Variants in WWOX observed in about 807,000 individuals in gnomAD.
WWOX encodes the protein WW domain-containing oxidoreductase.
A neutral mutation model predicts 46.2 loss-of-function variants in WWOX; 69 were observed. The ratio of observed to expected loss-of-function variants is 1.49; its 90% confidence interval spans 1.23 to 1.82. The LOEUF (loss-of-function observed/expected upper bound fraction) is 1.82, where lower values mean the gene tolerates loss of function less well. Ranked by LOEUF, WWOX falls within the 40% of genes most tolerant of loss-of-function variation. The pLI is 0.00. For synonymous variants in WWOX, 359 were observed against 202.6 expected, an observed-to-expected ratio of 1.77 and a Z score of -6.56; for missense variants, 919 against 542.6, an observed-to-expected ratio of 1.69 and a Z score of -6.89.
intron 8 of WWOX, among the ~76,000 whole-genome samples, chr16:78,494,176 C>T (rs913319404): frequency 1.3e-5 from 2 of 152,144 alleles, no homozygotes; most frequent in Admixed American, 6.5e-5. Flanking sequence ...TGCTTTTAAA[C>T]AAACAGATCT....
chr16:78,640,422 G>C (rs1274366843), intron 8 of WWOX, among the ~76,000 whole-genome samples: 1 of 151,966 alleles, frequency 6.6e-6, no homozygotes, highest in Non-Finnish European at 1.5e-5. Context: ...ACAGGGGCAA[G>C]GTATAGGCTC....
intron 5 of WWOX, among the ~76,000 whole-genome samples, chr16:78,222,892 A>G (rs556820939): frequency 6.6e-6 from 1 of 152,328 alleles, no homozygotes; most frequent in African/African-American, 2.4e-5. Flanking sequence ...CCTCCAGAAC[A>G]TGCTCTCAGA....
chr16:79,121,661 G>A (rs1185642830), intron 8 of WWOX, among the ~76,000 whole-genome samples: 1 of 152,122 alleles, frequency 6.6e-6, no homozygotes, highest in Non-Finnish European at 1.5e-5. Flanking sequence ...TGTGTTTTGG[G>A]GCATGCGCCA....
At chr16:78,534,870 T>C (rs1296045016) in intron 8 of WWOX, among the ~76,000 whole-genome samples, 1 of 151,964 alleles carries the variant, frequency 6.6e-6, no homozygotes, top group Non-Finnish European at 1.5e-5. Context: ...CGCGCTATCA[T>C]GCCTGGCTAA....
intron 5 of WWOX, among the ~76,000 whole-genome samples, chr16:78,180,025 C>A (rs1380341427): frequency 6.6e-6 from 1 of 152,208 alleles, no homozygotes; most frequent in Non-Finnish European, 1.5e-5. Context: ...TTGCAAATAA[C>A]TTGTTGTGTT....
At chr16:78,310,850 C>A (rs1196330235) in intron 5 of WWOX, among the ~76,000 whole-genome samples, 1 of 152,164 alleles carries the variant, frequency 6.6e-6, no homozygotes, top group African/African-American at 2.4e-5. Context: ...AGAAATGAGC[C>A]TCTGTAACGC....
chr16:79,164,482 A>AGGGATGGG (rs145209531), intron 8 of WWOX, among the ~76,000 whole-genome samples: 11 of 152,042 alleles, frequency 7.2e-5, no homozygotes, highest in African/African-American at 2.7e-4. Flanking sequence ...TCATTCAGGC[A>AGGGATGGG]GGGATGGGGG....
At chr16:78,399,662 T>C (rs13332398) in intron 6 of WWOX, among the ~76,000 whole-genome samples, 2,246 of 152,300 alleles carry the variant, frequency 0.015, 57 homozygotes, top group African/African-American at 0.05. Context: ...TCGATTTATA[T>C]AAGACTTGGA....
At chr16:78,335,742 C>G (rs910239463) in intron 5 of WWOX, among the ~76,000 whole-genome samples, 1 of 152,178 alleles carries the variant, frequency 6.6e-6, no homozygotes, top group Non-Finnish European at 1.5e-5. Flanking sequence ...GAGACAGACT[C>G]ATGTTCGTGT....
chr16:79,039,913 C>T (rs1029728385), intron 8 of WWOX, among the ~76,000 whole-genome samples: 5 of 152,194 alleles, frequency 3.3e-5, no homozygotes, highest in African/African-American at 9.6e-5. Context: ...GGCTCCATGC[C>T]ATCCTGGGGT....
chr16:78,605,621 T>A (rs2151623658), intron 8 of WWOX, among the ~76,000 whole-genome samples: 1 of 152,322 alleles, frequency 6.6e-6, no homozygotes, highest in Admixed American at 6.5e-5. Flanking sequence ...ACCCAAATGT[T>A]AAAATTTCTT....
chr16:78,345,636 T>G, intron 5 of WWOX, among the ~76,000 whole-genome samples: 1 of 46,874 alleles, frequency 2.1e-5, no homozygotes, highest in African/African-American at 9.6e-5. Context: ...CAAGACCCTG[T>G]CTCAAAAAAA....
intron 8 of WWOX, among the ~76,000 whole-genome samples, chr16:78,961,117 G>T (rs953741614): frequency 2.0e-5 from 3 of 152,152 alleles, no homozygotes; most frequent in African/African-American, 7.2e-5. Flanking sequence ...CTGAAAGAAA[G>T]ACTCAAGCCA....
chr16:78,336,346 AACC>A (rs1382428865), intron 5 of WWOX, among the ~76,000 whole-genome samples: 2 of 132,994 alleles, frequency 1.5e-5, no homozygotes, highest in African/African-American at 2.7e-5. Context: ...AAAAAAAAAA[AACC>A]ACAACAAATT....
chr16:78,968,123 AGCGCGTGGTCCGTGTG>A (rs2046398728), intron 8 of WWOX, among the ~76,000 whole-genome samples: 5 of 7,864 alleles, frequency 6.4e-4, no homozygotes, highest in Non-Finnish European at 2.6e-3. Flanking sequence ...CGCGTGGCAC[AGCGCGTGGTCCGTGTG>A]GCACAGCGCG....
chr16:78,778,297 G>C (rs994424955), intron 8 of WWOX, among the ~76,000 whole-genome samples: 6 of 152,140 alleles, frequency 3.9e-5, no homozygotes, highest in African/African-American at 1.4e-4. Flanking sequence ...GGTAACCACT[G>C]ATACGCCGCC....
At chr16:78,312,336 A>C (rs1040480853) in intron 5 of WWOX, among the ~76,000 whole-genome samples, 1 of 150,236 alleles carries the variant, frequency 6.7e-6, no homozygotes, top group African/African-American at 2.4e-5. Flanking sequence ...GTAAGGAAAC[A>C]CTTATATTGC....
chr16:78,508,310 CTTT>C (rs60281450), intron 8 of WWOX, among the ~76,000 whole-genome samples: 47 of 112,740 alleles, frequency 4.2e-4, no homozygotes, highest in African/African-American at 2.0e-3. Flanking sequence ...TGCGCCCGGC[CTTT>C]TTTTTTTTTT....
intron 8 of WWOX, among the ~76,000 whole-genome samples, chr16:78,509,928 A>T (rs1167478182): frequency 6.8e-6 from 1 of 147,384 alleles, no homozygotes; most frequent in Non-Finnish European, 1.5e-5. Context: ...TCTCTTTAAA[A>T]AAAAAAAAAA....
Sources: allele counts gnomAD v4.1 joint callset (sites outside exome capture counted in the v4.1 genomes callset), GRCh38; gene constraint gnomAD v4.1.1; transcripts MANE v1.5; gene names NCBI Gene and HGNC (gene_info 2026-07-23, HGNC 2026-07-21).